The following SORCS2 variants were observed in gnomAD, a reference collection of about 807,000 sequenced individuals.
SORCS2 encodes the protein VPS10 domain-containing receptor SorCS2.
SORCS2 carries 100 observed loss-of-function variants against 141.6 expected under a neutral mutation model. That is an observed-to-expected ratio of 0.71 (90% CI 0.60 to 0.83). The LOEUF is 0.83. Ranked by LOEUF, SORCS2 falls within the 40% of genes least tolerant of loss-of-function variation. SORCS2 has a pLI of 0.00. For synonymous variants in SORCS2, 789 were observed against 676.9 expected (o/e 1.17, Z -2.57); for missense variants, 1,646 against 1,560.2 (o/e 1.05, Z -0.93).
At chr4:7,373,456 TTTTATA>T (rs1488319995) in intron 1 of SORCS2, among the ~76,000 whole-genome samples, 1 of 90,012 alleles carries the variant, frequency 1.1e-5, no homozygotes, top group Admixed American at 1.2e-4. Flanking sequence ...TGTGAGAAAC[TTTTATA>T]TATATATATA....
intron 1 of SORCS2, among the ~76,000 whole-genome samples, chr4:7,349,188 G>A (rs921123538): frequency 1.3e-5 from 2 of 152,146 alleles, no homozygotes; most frequent in African/African-American, 4.8e-5. Flanking sequence ...TGGGGACCAG[G>A]GGCAGCATGG....
intron 1 of SORCS2, among the ~76,000 whole-genome samples, chr4:7,379,828 G>A (rs1021332415): frequency 1.3e-5 from 2 of 152,198 alleles, no homozygotes; most frequent in Admixed American, 6.5e-5. Flanking sequence ...TAGAAAACAC[G>A]CTGAAGGCAG....
chr4:7,403,319 C>T (rs372393337), intron 2 of SORCS2, among the ~76,000 whole-genome samples: 1 of 152,112 alleles, frequency 6.6e-6, no homozygotes, highest in South Asian at 2.1e-4. Flanking sequence ...AGGAACAGGA[C>T]TGAGGCCACC....
chr4:7,328,969 A>C (rs1719468704), intron 1 of SORCS2, among the ~76,000 whole-genome samples: 1 of 152,190 alleles, frequency 6.6e-6, no homozygotes, highest in Admixed American at 6.5e-5. Context: ...CTTGGCTGAC[A>C]ACGGCTGGTC....
At chr4:7,324,002 G>GT (rs1358977094) in intron 1 of SORCS2, among the ~76,000 whole-genome samples, 1 of 152,204 alleles carries the variant, frequency 6.6e-6, no homozygotes, top group Non-Finnish European at 1.5e-5. Flanking sequence ...CCTAGGATCT[G>GT]AGGCCCACAC....
rs189508253 is a variant in SORCS2 at position 7,256,914 on chromosome 4, G to A, written c.480+63788G>A. Among the ~76,000 whole-genome samples, 10 of 152,220 alleles carry A rather than the reference G, an allele frequency of 6.6e-5. No individual in the cohort carries two copies. In the East Asian group the frequency reaches 1.9e-3, roughly 29 times the overall value. On this transcript the variant is annotated intron_variant, in intron 1 of 26. Transcript: ENST00000507866. ...ATCTCCAGGCAGAGTGTGGGCACCG[G>A]CCCCAGCCACCCATTCCTAGCATCC... is the stretch of plus-strand genomic sequence containing the variant.
intron 8 of SORCS2, among the ~76,000 whole-genome samples, chr4:7,668,525 T>G (rs6822024): frequency 0.014 from 2,081 of 152,204 alleles, 36 homozygotes; most frequent in African/African-American, 0.048. Context: ...AGGCTGTGGC[T>G]TAATGTAAAG....
intron 3 of SORCS2, among the ~76,000 whole-genome samples, chr4:7,613,468 C>G (rs17368264): frequency 0.26 from 39,216 of 152,124 alleles, 5,208 homozygotes; most frequent in Middle Eastern, 0.3. Context: ...AGCAATAAGT[C>G]CCCATTCACT....
At chr4:7,247,164 C>T (rs2108799941) in intron 1 of SORCS2, among the ~76,000 whole-genome samples, 1 of 152,280 alleles carries the variant, frequency 6.6e-6, no homozygotes, top group South Asian at 2.1e-4. Context: ...AACAAGACCC[C>T]AGGTGTGGCA....
intron 1 of SORCS2, among the ~76,000 whole-genome samples, chr4:7,230,671 T>C (rs373456536): frequency 3.3e-5 from 4 of 122,842 alleles, no homozygotes; most frequent in Admixed American, 8.5e-5. Flanking sequence ...GATGGTCAAG[T>C]CTTCGAGTCT....
chr4:7,703,214 G>T, intron 12 of SORCS2, 66 bp from the exon 13 acceptor site: 1 of 1,348,370 alleles, frequency 7.4e-7, no homozygotes, highest in Non-Finnish European at 1.0e-6. Context: ...CCCAGGAGCC[G>T]CTCAGCCTGG....
intron 1 of SORCS2, among the ~76,000 whole-genome samples, chr4:7,374,474 T>A (rs113348668): frequency 6.6e-5 from 10 of 152,132 alleles, no homozygotes; most frequent in African/African-American, 2.2e-4. Context: ...CTGGCAGCAT[T>A]GGCAGCAGCC....
At chr4:7,264,458 A>G (rs758942974) in intron 1 of SORCS2, among the ~76,000 whole-genome samples, 1 of 152,154 alleles carries the variant, frequency 6.6e-6, no homozygotes, top group Non-Finnish European at 1.5e-5. Context: ...CAAAGCACCA[A>G]GCTGCCACCA....
At chr4:7,208,266 T>A (rs926403409) in intron 1 of SORCS2, among the ~76,000 whole-genome samples, 7 of 152,264 alleles carry the variant, frequency 4.6e-5, no homozygotes, top group Non-Finnish European at 1.0e-4. Flanking sequence ...CCACGGGGCA[T>A]GTCGGGACTG....
chr4:7,693,594 G>A (rs919457542), intron 11 of SORCS2, among the ~76,000 whole-genome samples: 1 of 152,194 alleles, frequency 6.6e-6, no homozygotes, highest in Non-Finnish European at 1.5e-5. Flanking sequence ...ACGTCCTCAG[G>A]ATCCAACACA....
At chr4:7,272,847 A>T (rs1478501311) in intron 1 of SORCS2, among the ~76,000 whole-genome samples, 2 of 152,278 alleles carry the variant, frequency 1.3e-5, no homozygotes, top group Non-Finnish European at 2.9e-5. Context: ...AAAAATTTCC[A>T]GAGCATTCCT....
chr4:7,288,798 G>GTGC (rs1716411439), intron 1 of SORCS2, among the ~76,000 whole-genome samples: 1 of 124,044 alleles, frequency 8.1e-6, no homozygotes, highest in Non-Finnish European at 1.8e-5. Context: ...GGGTGGGGGG[G>GTGC]GGAGTTGGGG....
intron 1 of SORCS2, among the ~76,000 whole-genome samples, chr4:7,219,826 C>T (rs1728591910): frequency 1.5e-5 from 1 of 68,882 alleles, no homozygotes; most frequent in Non-Finnish European, 3.0e-5. Flanking sequence ...GGGTGGCCCG[C>T]AGGGCAGGAG....
intron 2 of SORCS2, among the ~76,000 whole-genome samples, chr4:7,445,049 C>G (rs1301565458): frequency 6.6e-6 from 1 of 152,122 alleles, no homozygotes; most frequent in African/African-American, 2.4e-5. Flanking sequence ...TAGGACTGGA[C>G]CATTGCTGCG....
Sources: allele counts gnomAD v4.1 joint callset (sites outside exome capture counted in the v4.1 genomes callset), GRCh38; gene constraint gnomAD v4.1.1; transcripts MANE v1.5; gene names NCBI Gene and HGNC (gene_info 2026-07-23, HGNC 2026-07-21).